CDH17: variants seen among roughly 807,000 people sequenced by gnomAD.
CDH17 encodes cadherin-17.
Under a neutral mutation model 86.3 loss-of-function variants are expected in CDH17, and 67 were observed. The ratio of observed to expected loss-of-function variants is 0.78; its 90% CI spans 0.64 to 0.95. The LOEUF is 0.95. CDH17 is among the 40% of genes least tolerant of loss of function. The pLI is 0.00. For missense variants in CDH17, 993 were observed against 1,017.6 expected, an observed-to-expected ratio of 0.98 and a Z score of 0.33; for synonymous variants, 367 against 366.4, an observed-to-expected ratio of 1.00 and a Z score of -0.02.
At chr8:94,154,752 A>T (rs1812915429) in intron 12 of CDH17, among the ~76,000 whole-genome samples, 1 of 152,086 alleles carries the variant, frequency 6.6e-6, no homozygotes, top group Non-Finnish European at 1.5e-5. Flanking sequence ...CTAAGTGTTG[A>T]TGTATTTTAG....
At position 94,160,192 on chromosome 8, in the gene CDH17, A is replaced by G. The variant is rs1294200506; in HGVS notation, c.1360-30T>C. Reference sequence around the variant, plus strand: ...GGAGAAAATGGAGAAGGAAACAATGAGAAGGTCTGCTGTCATCAAAGCCAA... The same window carrying G: ...GGAGAAAATGGAGAAGGAAACAATGGGAAGGTCTGCTGTCATCAAAGCCAA... On this transcript the variant is annotated intron_variant, in intron 11 of 17. Transcript: ENST00000027335. The G allele has an allele frequency of 7.7e-6, 12 of 1,558,746 alleles. No homozygotes were observed. In the Admixed American group the frequency reaches 8.7e-5, roughly 11 times the overall value.
rs147064698 is a variant in CDH17, at chr8:94,199,598, T to C, written c.-20-4893A>G. ...CTGTCTGGGATGTTTCAATGGAACC[T>C]AGGAAGTAGAAGGAGAAATGTACTT... On this transcript the variant is annotated intron_variant, in intron 1 of 17. Coordinates refer to ENST00000027335, the MANE Select transcript of CDH17 (RefSeq NM_004063.4). Among the ~76,000 whole-genome samples the C allele has an allele frequency of 5.3e-5, 8 of 152,284 alleles. No individual in the cohort carries two copies. The East Asian group carries it at 1.5e-3, about 29-fold the overall frequency.
rs1289868753 is a variant in CDH17, at chr8:94,164,087, A to G, written c.1282+1674T>C. Among the ~76,000 whole-genome samples the G allele has an allele frequency of 4.6e-5, 7 of 152,362 alleles. No individual in the cohort carries two copies. In the East Asian group the frequency reaches 1.3e-3, roughly 29 times the overall value. Reference sequence around the variant, plus strand: ...ATAGACGTACTCATGCAAATAAACAATTTGTAATCTGATTCCCACTTTAAA... The same window carrying G: ...ATAGACGTACTCATGCAAATAAACAGTTTGTAATCTGATTCCCACTTTAAA... On this transcript the variant is annotated intron_variant, in intron 10 of 17. Transcript: ENST00000027335.
chr8:94,157,487 A>G (rs1812968500), intron 12 of CDH17, among the ~76,000 whole-genome samples: 1 of 152,180 alleles, frequency 6.6e-6, no homozygotes, highest in South Asian at 2.1e-4. Context: ...AAAGAACCTA[A>G]TCCGAGATCT....
At position 94,151,851 on chromosome 8, in the gene CDH17, G is replaced by C. The variant is rs1194646723; in HGVS notation, c.1796+17C>G. ...GTGACCACGCAGCCAGGCCTGCCCA[G>C]CACTGTTGCCCTTTACCTTATGTCC... On this transcript the variant is annotated intron_variant, in intron 13 of 17. Transcript: ENST00000027335. 6.2e-6 allele frequency: 10 copies of C among 1,613,702 alleles called. No individual in the cohort carries two copies. Among genetic ancestry groups the C allele is most frequent in the Non-Finnish European group, 8.5e-6 (10 of 1,179,860 alleles).
chr8:94,183,403 A>C (rs1813518958), intron 3 of CDH17, among the ~76,000 whole-genome samples: 2 of 152,172 alleles, frequency 1.3e-5, no homozygotes, highest in Admixed American at 1.3e-4. Context: ...CAATGGAATC[A>C]TAGTGGGAGG....
chr8:94,156,803 C>T (rs1416299974), intron 12 of CDH17, among the ~76,000 whole-genome samples: 1 of 152,214 alleles, frequency 6.6e-6, no homozygotes, highest in Admixed American at 6.5e-5. Flanking sequence ...CTGCAAGCTG[C>T]TGGATGCTGT....
At chr8:94,170,720 T>A in intron 8 of CDH17, 134 bp downstream of exon 8, 5 of 1,371,172 alleles carry the variant, frequency 3.6e-6, no homozygotes, top group Non-Finnish European at 5.0e-6. Context: ...TATCATGTCT[T>A]TGAAAACCAA....
At position 94,170,825 on chromosome 8, in the gene CDH17, C is replaced by T. The variant is rs755836125; in HGVS notation, c.915+29G>A. The T allele has an allele frequency of 1.2e-5, 19 of 1,606,794 alleles. No homozygotes were observed. In the South Asian group the frequency reaches 1.7e-4, roughly 14 times the overall value. On this transcript the variant is annotated intron_variant, in intron 8 of 17. Coordinates refer to ENST00000027335, the MANE Select transcript of CDH17 (RefSeq NM_004063.4). ...AGATGGGCATAGGACTTTGTCTTGT[C>T]GCCTGTGAAACTCTTCTCTTTTACT... is the stretch of plus-strand genomic sequence containing the variant.
At chr8:94,208,857 T>C (rs1447048107), upstream of CDH17, among the ~76,000 whole-genome samples, 1 of 152,060 alleles carries the variant, frequency 6.6e-6, no homozygotes, top group Non-Finnish European at 1.5e-5. Context: ...GAGTGTGAGG[T>C]TCATGACATC....
At chr8:94,139,912 A>G (rs148935184) in intron 15 of CDH17, among the ~76,000 whole-genome samples, 16 of 143,662 alleles carry the variant, frequency 1.1e-4, no homozygotes, top group East Asian at 4.1e-4. Flanking sequence ...ATAAAAAAAA[A>G]GGGGGGGTGG....
chr8:94,170,456 T>C lies in CDH17; in HGVS notation c.1007A>G (p.Asn336Ser). 6.2e-7 allele frequency: 1 copy of C among 1,613,864 alleles called. No homozygotes were observed. Among genetic ancestry groups the C allele is most frequent in the Non-Finnish European group, 8.5e-7 (1 of 1,179,784 alleles). The change falls in exon 9 of 18, where the codon AAT becomes AGT. Residue 336 changes from asparagine (N) to serine (S), a missense_variant. Coordinates refer to ENST00000027335, the MANE Select transcript of CDH17 (RefSeq NM_004063.4). ...IHVKVKDIND[N>S]PPTCPSPVTV... ...TACTGGTGACGGACATGTAGGTGGA[T>C]TATCATTAATATCTTTAACTTTTAC...
At chr8:94,165,135 G>T (rs1403501329) in intron 10 of CDH17, among the ~76,000 whole-genome samples, 1 of 152,176 alleles carries the variant, frequency 6.6e-6, no homozygotes, top group African/African-American at 2.4e-5. Flanking sequence ...TGCAGAATGT[G>T]CCTGGCAGAC....
chr8:94,168,780 C>T (rs1180054804), intron 9 of CDH17, among the ~76,000 whole-genome samples: 1 of 152,140 alleles, frequency 6.6e-6, no homozygotes, highest in Admixed American at 6.5e-5. Context: ...TTCCAGCAAC[C>T]CCCATCTCCT....
intron 13 of CDH17, among the ~76,000 whole-genome samples, chr8:94,150,695 A>G (rs1489390689): frequency 6.6e-6 from 1 of 152,088 alleles, no homozygotes; most frequent in Non-Finnish European, 1.5e-5. Context: ...TTGTTTCATC[A>G]CAGTAATTTT....
chr8:94,138,219 A>G (rs1334723518), intron 15 of CDH17, among the ~76,000 whole-genome samples: 1 of 152,230 alleles, frequency 6.6e-6, no homozygotes, highest in Non-Finnish European at 1.5e-5. Flanking sequence ...TTAAATATGC[A>G]TATTTAAAAA....
chr8:94,135,561 AGATGGGTCTCCCAACAGCACACT>A (rs1463052460), intron 15 of CDH17, among the ~76,000 whole-genome samples: 3 of 152,100 alleles, frequency 2.0e-5, no homozygotes, highest in African/African-American at 7.2e-5. Flanking sequence ...TCTGCACGTG[AGATGGGTCTCCCAACAGCACACT>A]GATGGGTCTT....
chr8:94,148,348 G>C (rs1037363723), intron 14 of CDH17, among the ~76,000 whole-genome samples: 1 of 151,822 alleles, frequency 6.6e-6, no homozygotes, highest in Non-Finnish European at 1.5e-5. Flanking sequence ...TTGAGACCAG[G>C]CTGGCCAACA....
chr8:94,131,192 T>C (rs1166022224), intron 15 of CDH17, among the ~76,000 whole-genome samples, 200 bp from the exon 16 acceptor site: 1 of 152,226 alleles, frequency 6.6e-6, no homozygotes, highest in Non-Finnish European at 1.5e-5. Flanking sequence ...AAGTTCTTAA[T>C]TCATGATTTC....
Sources: gnomAD v4.1 joint callset for allele counts (sites outside exome capture counted in the v4.1 genomes callset) on GRCh38, gnomAD v4.1.1 for gene constraint, MANE v1.5 for transcripts, NCBI Gene and HGNC (gene_info 2026-07-23, HGNC 2026-07-21) for gene names.